PCSK6: variants seen among roughly 807,000 people sequenced by gnomAD.
The protein encoded by PCSK6 is paired basic amino acid cleaving enzyme 4.
In PCSK6, 85 loss-of-function variants were observed where a neutral mutation model predicts 123.3. That is an observed-to-expected ratio of 0.69 (90% confidence interval 0.58 to 0.83). The LOEUF (loss-of-function observed/expected upper bound fraction) is 0.83. Ranked by LOEUF, PCSK6 falls within the 40% of genes least tolerant of loss-of-function variation. PCSK6 has a pLI of 0.00. For synonymous variants in PCSK6, 508 were observed against 516.0 expected (o/e 0.98, Z 0.21); for missense variants, 1,191 against 1,282.3 (o/e 0.93, Z 1.09).
At chr15:101,341,820 AC>A (rs1402256002) in intron 13 of PCSK6, among the ~76,000 whole-genome samples, 1 of 152,186 alleles carries the variant, frequency 6.6e-6, no homozygotes, top group Non-Finnish European at 1.5e-5. Flanking sequence ...ATGTCAGTAA[AC>A]ACACTGAAGA....
At position 101,379,972 on chromosome 15, in the gene PCSK6, C is replaced by T. The variant is rs140145004; in HGVS notation, c.1532+2120G>A. ...GCCCGTATGTCCTCTGCAACAACCA[C>T]GTTACAGAGTTAAGCAAGTGATCTG... is the stretch of plus-strand genomic sequence containing the variant. On this transcript the variant is annotated intron_variant, in intron 11 of 21. Transcript: ENST00000611716. 5.5e-3 allele frequency among the ~76,000 whole-genome samples: 833 copies of T among 152,226 alleles called. 4 individuals carry two copies. The highest frequency in any genetic ancestry group is 0.019 in the African/African-American group (776 of 41,548).
intron 1 of PCSK6, among the ~76,000 whole-genome samples, chr15:101,477,471 A>AT (rs1399009166): frequency 2.0e-5 from 3 of 152,230 alleles, no homozygotes; most frequent in Admixed American, 6.5e-5. Flanking sequence ...AGCATCTCAG[A>AT]TACAGGATAT....
At chr15:101,331,736 G>A in intron 14 of PCSK6, 47 bp from the exon 15 acceptor site, 4 of 1,603,522 alleles carry the variant, frequency 2.5e-6, no homozygotes, top group Non-Finnish European at 3.4e-6. Context: ...CCAGGCAAGA[G>A]AGACACACAA....
chr15:101,315,871 G>A (rs570344747), intron 19 of PCSK6, among the ~76,000 whole-genome samples: 29 of 152,368 alleles, frequency 1.9e-4, no homozygotes, highest in African/African-American at 7.0e-4. Flanking sequence ...GACACACGGG[G>A]CACCTGGACT....
chr15:101,395,337 T>C (rs1466109310), intron 7 of PCSK6, among the ~76,000 whole-genome samples: 1 of 152,076 alleles, frequency 6.6e-6, no homozygotes, highest in Non-Finnish European at 1.5e-5. Context: ...AGAGTGTGCA[T>C]CCCTAATGAG....
At chr15:101,342,129 CAAAAAA>C (rs35083182) in intron 13 of PCSK6, among the ~76,000 whole-genome samples, 15 of 51,522 alleles carry the variant, frequency 2.9e-4, no homozygotes, top group South Asian at 9.1e-4. Flanking sequence ...GACCCTGTCT[CAAAAAA>C]AAAAAAAAAA....
intron 13 of PCSK6, among the ~76,000 whole-genome samples, chr15:101,354,083 G>A (rs921837851): frequency 6.6e-6 from 1 of 152,192 alleles, no homozygotes; most frequent in Admixed American, 6.5e-5. Context: ...GTGGAAGATG[G>A]ATCTGAGAAG....
chr15:101,437,386 C>T (rs575017663), intron 2 of PCSK6, among the ~76,000 whole-genome samples: 3 of 152,306 alleles, frequency 2.0e-5, no homozygotes, highest in South Asian at 2.1e-4. Context: ...AAACACACAG[C>T]GGGAACCCAG....
chr15:101,461,062 T>G (rs74032897), intron 1 of PCSK6, among the ~76,000 whole-genome samples: 7,232 of 152,112 alleles, frequency 0.048, 397 homozygotes, highest in African/African-American at 0.13. Flanking sequence ...TACAATAGAA[T>G]TTAAAAGGCC....
intron 6 of PCSK6, among the ~76,000 whole-genome samples, chr15:101,417,951 G>GA (rs2055947505): frequency 6.6e-6 from 1 of 151,016 alleles, no homozygotes; most frequent in Non-Finnish European, 1.5e-5. Context: ...ACACTGAGGT[G>GA]AAAAAACCTA....
chr15:101,466,768 GATT>G (rs971830464), intron 1 of PCSK6, among the ~76,000 whole-genome samples: 45 of 152,250 alleles, frequency 3.0e-4, no homozygotes, highest in African/African-American at 1.1e-3. Context: ...ATTACTGTAT[GATT>G]CCATTATATG....
rs181555868 is a variant in PCSK6, at chr15:101,449,603, C to A, written c.298-5943G>T. Among the ~76,000 whole-genome samples, 727 of 152,312 alleles carry A rather than the reference C, an allele frequency of 4.8e-3. 7 individuals are homozygous for A. The highest frequency in any genetic ancestry group is 0.017 in the African/African-American group (696 of 41,560). ...CTCAGAACTCCAGATCTATGGCTCG[C>A]CACCTTCGTACATGTCAGCTTCACC... is the stretch of plus-strand genomic sequence containing the variant. On this transcript the variant is annotated intron_variant, in intron 1 of 21. Transcript: ENST00000611716.
At chr15:101,413,578 T>G (rs556434552) in intron 6 of PCSK6, among the ~76,000 whole-genome samples, 15 of 152,226 alleles carry the variant, frequency 9.9e-5, no homozygotes, top group Admixed American at 7.2e-4. Context: ...CTAAATATAG[T>G]AACTAAAAGA....
At chr15:101,452,116 C>G (rs1416071146) in intron 1 of PCSK6, among the ~76,000 whole-genome samples, 1 of 152,214 alleles carries the variant, frequency 6.6e-6, no homozygotes, top group East Asian at 1.9e-4. Context: ...CCTAAAATTA[C>G]TTTCTTCAAC....
rs2039687770 is a variant in PCSK6, at chr15:101,304,944, G to T, written c.*314C>A. 1 of 306,054 alleles carries T rather than the reference G, an allele frequency of 3.3e-6. No homozygotes were observed. Among genetic ancestry groups the T allele is most frequent in the Non-Finnish European group, 6.1e-6 (1 of 163,524 alleles). 19.0% of individuals were successfully genotyped at this position (306,054 alleles called of 1,614,324 possible). On this transcript the variant is annotated 3_prime_UTR_variant, in exon 22 of 22. Transcript: ENST00000611716. ...CTTTCTTTTCTGCTTTGGTCTTGAA[G>T]ATTCAGTAAACTTATGGTCCCAGAA...
intron 11 of PCSK6, among the ~76,000 whole-genome samples, chr15:101,377,891 C>A (rs1479470460): frequency 6.6e-6 from 1 of 152,200 alleles, no homozygotes; most frequent in African/African-American, 2.4e-5. Context: ...TGGACAGTAA[C>A]CTTCCAAACC....
At chr15:101,439,898 C>T (rs2056708697) in intron 2 of PCSK6, among the ~76,000 whole-genome samples, 1 of 152,166 alleles carries the variant, frequency 6.6e-6, no homozygotes, top group African/African-American at 2.4e-5. Context: ...TCCCTCTGAA[C>T]ATCTTTATCC....
chr15:101,402,715 A>G (rs942344215), intron 6 of PCSK6, among the ~76,000 whole-genome samples: 3 of 152,280 alleles, frequency 2.0e-5, no homozygotes, highest in African/African-American at 7.2e-5. Flanking sequence ...ACAAAACCAC[A>G]ATGAGATATC....
intron 13 of PCSK6, among the ~76,000 whole-genome samples, chr15:101,335,891 G>T (rs901758796): frequency 6.6e-5 from 10 of 152,212 alleles, no homozygotes; most frequent in Non-Finnish European, 1.5e-4. Flanking sequence ...CGGCTCCCAG[G>T]CCACAAACCT....
Sources: allele counts gnomAD v4.1 joint callset (sites outside exome capture counted in the v4.1 genomes callset), GRCh38; gene constraint gnomAD v4.1.1; transcripts MANE v1.5; gene names NCBI Gene and HGNC (gene_info 2026-07-23, HGNC 2026-07-21).